RALYL: variants seen among roughly 807,000 people sequenced by gnomAD.
RALYL encodes RALY RNA binding protein like, also known as RNA-binding Raly-like protein.
RALYL carries 29 observed loss-of-function variants against 35.1 expected under a neutral mutation model. The observed-to-expected ratio is 0.83, with a 90% CI of 0.61 to 1.13. The LOEUF (loss-of-function observed/expected upper bound fraction) is 1.13. RALYL is among the 50% of genes most tolerant of loss of function. The pLI, the probability that RALYL is intolerant of heterozygous loss-of-function variation, is 0.00. For missense variants in RALYL, 359 were observed against 360.4 expected, an observed-to-expected ratio of 1.00 and a Z score of 0.03; for synonymous variants, 120 against 127.6, an observed-to-expected ratio of 0.94 and a Z score of 0.40.
chr8:84,602,050 ACTCT>A (rs1167513702), intron 2 of RALYL, among the ~76,000 whole-genome samples: 1 of 151,744 alleles, frequency 6.6e-6, no homozygotes, highest in African/African-American at 2.4e-5. Flanking sequence ...TGTACTGCAT[ACTCT>A]CTCTTCGTGA....
intron 3 of RALYL, among the ~76,000 whole-genome samples, chr8:84,790,225 T>C (rs769025202): frequency 2.6e-5 from 4 of 152,150 alleles, no homozygotes; most frequent in Non-Finnish European, 4.4e-5. Flanking sequence ...TGAGGGATTG[T>C]GGGGTGGCAG....
chr8:84,602,008 T>C (rs1816081003), intron 2 of RALYL, among the ~76,000 whole-genome samples: 1 of 152,124 alleles, frequency 6.6e-6, no homozygotes, highest in Non-Finnish European at 1.5e-5. Flanking sequence ...GTTCCCTTCT[T>C]GTCTCGTAAT....
chr8:84,898,106 G>A (rs1845062348), intron 8 of RALYL, among the ~76,000 whole-genome samples: 1 of 152,178 alleles, frequency 6.6e-6, no homozygotes, highest in Non-Finnish European at 1.5e-5. Context: ...GAAGTTGCCA[G>A]TTTAGTTTGG....
At chr8:84,480,067 A>C (rs757459828) in intron 1 of RALYL, among the ~76,000 whole-genome samples, 26 of 152,188 alleles carry the variant, frequency 1.7e-4, no homozygotes, top group Non-Finnish European at 3.1e-4. Context: ...TGTCGAATAC[A>C]TATGGACGAG....
chr8:84,400,367 A>T lies in RALYL; in HGVS notation c.-23-128932A>T, dbSNP rs573858200. Reference sequence around the variant, plus strand: ...TGTGGTGTAATGTCAACACTCAAAAATTTTCGGATTTTGGAGCATTTGGAG... The same window carrying T: ...TGTGGTGTAATGTCAACACTCAAAATTTTTCGGATTTTGGAGCATTTGGAG... On this transcript the variant is annotated intron_variant, in intron 1 of 8. Coordinates refer to ENST00000521268, the MANE Select transcript of RALYL (RefSeq NM_173848.7). 2.0e-5 allele frequency among the ~76,000 whole-genome samples: 3 copies of T among 152,176 alleles called. No individual in the cohort carries two copies. In the East Asian group the frequency reaches 5.8e-4, roughly 29 times the overall value.
chr8:84,684,597 A>G (rs1836354613), intron 2 of RALYL, among the ~76,000 whole-genome samples: 1 of 152,236 alleles, frequency 6.6e-6, no homozygotes, highest in Admixed American at 6.5e-5. Context: ...CTGTGTTCAA[A>G]GAACTACAAA....
chr8:84,271,466 T>TTGTGTG (rs60994368), intron 1 of RALYL, among the ~76,000 whole-genome samples: 15 of 143,562 alleles, frequency 1.0e-4, no homozygotes, highest in East Asian at 1.0e-3. Flanking sequence ...TAGAAAATAG[T>TTGTGTG]TGTGTGTGTG....
chr8:84,187,952 A>T (rs1365397427), intron 1 of RALYL, among the ~76,000 whole-genome samples: 3 of 152,090 alleles, frequency 2.0e-5, no homozygotes, highest in African/African-American at 7.2e-5. Flanking sequence ...TCAAGTCTTC[A>T]AAAAGCTCCA....
At chr8:84,540,313 TTG>T (rs138650642) in intron 2 of RALYL, among the ~76,000 whole-genome samples, 475 of 144,350 alleles carry the variant, frequency 3.3e-3, no homozygotes, top group Middle Eastern at 7.5e-3. Context: ...ATCATAGGAT[TTG>T]TGTGTGTGTG....
intron 4 of RALYL, among the ~76,000 whole-genome samples, chr8:84,825,806 T>C (rs1009779344): frequency 1.3e-5 from 2 of 152,104 alleles, no homozygotes; most frequent in African/African-American, 4.8e-5. Context: ...AAGCAGAGGT[T>C]GCAGTGAGTC....
At chr8:84,633,774 A>G (rs1355934155) in intron 2 of RALYL, among the ~76,000 whole-genome samples, 5 of 151,984 alleles carry the variant, frequency 3.3e-5, no homozygotes, top group Non-Finnish European at 7.4e-5. Flanking sequence ...CCTATCTCTC[A>G]TGTGTTTTTA....
rs188103598 is a variant in RALYL, at chr8:84,673,552, G to A, written c.257-101027G>A. On this transcript the variant is annotated intron_variant, in intron 2 of 8. Coordinates refer to ENST00000521268, the MANE Select transcript of RALYL (RefSeq NM_173848.7). ...TAAAATCCATCTTGAGTTGATTTTT[G>A]TATATGATGTAAGGAAGGGGTCCAG... Among the ~76,000 whole-genome samples the A allele has an allele frequency of 3.9e-5, 6 of 152,164 alleles. No homozygotes were observed. The East Asian group carries it at 1.2e-3, about 29-fold the overall frequency.
At chr8:84,722,844 G>A (rs1176133148) in intron 2 of RALYL, among the ~76,000 whole-genome samples, 1 of 133,128 alleles carries the variant, frequency 7.5e-6, no homozygotes, top group African/African-American at 3.6e-5. Context: ...GAGAATAACT[G>A]TGTTTGAATA....
At chr8:84,192,083 C>T (rs1423032345) in intron 1 of RALYL, among the ~76,000 whole-genome samples, 2 of 152,190 alleles carry the variant, frequency 1.3e-5, no homozygotes, top group African/African-American at 4.8e-5. Flanking sequence ...AATAGACAAC[C>T]TGACACTATG....
chr8:84,444,714 A>C (rs573825881), intron 1 of RALYL, among the ~76,000 whole-genome samples: 2 of 152,190 alleles, frequency 1.3e-5, no homozygotes, highest in East Asian at 3.9e-4. Context: ...GCGTCCATGC[A>C]AAAAACAATA....
chr8:84,758,637 A>ACAGC (rs10650724), intron 2 of RALYL, among the ~76,000 whole-genome samples: 40,842 of 151,782 alleles, frequency 0.27, 5,862 homozygotes, highest in African/African-American at 0.35. Context: ...TGATGACATG[A>ACAGC]CAGCCAGCTC....
chr8:84,439,662 A>G (rs2048125864), intron 1 of RALYL, among the ~76,000 whole-genome samples: 1 of 152,016 alleles, frequency 6.6e-6, no homozygotes, highest in African/African-American at 2.4e-5. Flanking sequence ...TTTCATATAT[A>G]TGATTTTCTT....
At chr8:84,400,521 A>T (rs1319763351) in intron 1 of RALYL, among the ~76,000 whole-genome samples, 1 of 152,214 alleles carries the variant, frequency 6.6e-6, no homozygotes, top group Non-Finnish European at 1.5e-5. Context: ...AATGTATTAA[A>T]ATTTAGCCTG....
chr8:84,206,760 G>A lies in RALYL; in HGVS notation c.-24+22336G>A, dbSNP rs139322513. Among the ~76,000 whole-genome samples the A allele has an allele frequency of 2.9e-4, 44 of 152,298 alleles. No homozygotes were observed. The East Asian group carries it at 8.1e-3, about 28-fold the overall frequency. On this transcript the variant is annotated intron_variant, in intron 1 of 8. Coordinates refer to ENST00000521268, the MANE Select transcript of RALYL (RefSeq NM_173848.7). ...GGCGCGACATTTAATCATGAGGCAT[G>A]CTGAACATGAGTGAGTCAAAGGAAG... is the stretch of plus-strand genomic sequence containing the variant.
Sources: gnomAD v4.1 joint callset for allele counts (sites outside exome capture counted in the v4.1 genomes callset) on GRCh38, gnomAD v4.1.1 for gene constraint, MANE v1.5 for transcripts, NCBI Gene and HGNC (gene_info 2026-07-23, HGNC 2026-07-21) for gene names.